LAMA1: variants seen among roughly 807,000 people sequenced by gnomAD.
LAMA1 encodes the protein laminin subunit alpha 1.
A neutral mutation model predicts 348.7 loss-of-function variants in LAMA1; 219 were observed. The ratio of observed to expected loss-of-function variants is 0.63; its 90% CI spans 0.56 to 0.70. LAMA1 has a LOEUF of 0.70. LAMA1 is among the 30% of genes least tolerant of loss of function. The probability of loss-of-function intolerance (pLI) is 0.00; values close to 1 mark genes in which losing one functional copy is unlikely to be tolerated. For synonymous variants in LAMA1, 1,487 were observed against 1,491.0 expected, an observed-to-expected ratio of 1.00 and a Z score of 0.06; for missense variants, 3,744 against 3,888.0, an observed-to-expected ratio of 0.96 and a Z score of 0.99.
intron 31 of LAMA1, 61 bp downstream of exon 31, chr18:6,999,850 C>A: frequency 1.4e-6 from 2 of 1,458,602 alleles, no homozygotes; most frequent in Admixed American, 3.3e-5. Context: ...TAAATATGCC[C>A]AATACCTTAT....
chr18:6,965,579 C>T (rs1219777923), intron 49 of LAMA1, 147 bp from the exon 50 acceptor site: 20 of 791,758 alleles, frequency 2.5e-5, no homozygotes, highest in Non-Finnish European at 4.2e-5. Flanking sequence ...GGCTACGAAA[C>T]CAAAAATGCC....
chr18:6,962,154 G>T (rs1392486121), intron 51 of LAMA1, 95 bp from the exon 52 acceptor site: 3 of 826,402 alleles, frequency 3.6e-6, no homozygotes, highest in South Asian at 2.7e-5. Flanking sequence ...AGGCACAGTG[G>T]CTTATGCCTG....
intron 47 of LAMA1, 48 bp downstream of exon 47, chr18:6,973,009 G>A (rs751432883): frequency 1.2e-6 from 2 of 1,608,218 alleles, no homozygotes; most frequent in South Asian, 1.1e-5. Flanking sequence ...TTATATATAG[G>A]TAAAATCAGT....
intron 1 of LAMA1, among the ~76,000 whole-genome samples, chr18:7,113,215 T>C (rs950999389): frequency 6.6e-6 from 1 of 152,176 alleles, no homozygotes; most frequent in African/African-American, 2.4e-5. Context: ...TGGGAAGATT[T>C]TCCAGGGTTC....
chr18:6,985,604 A>G lies in LAMA1; in HGVS notation c.5419T>C (p.Ser1807Pro). Residue 1807 changes from serine to proline, a missense_variant, in exon 38 of 63, where the codon TCA becomes CCA. Physicochemically the swap from Ser to Pro is moderately conservative, Grantham distance 74 (BLOSUM62 -1). Transcript: ENST00000389658. ...LHVQEEQNLT[S>P]ELIVQGRGLI... is the part of the protein sequence containing the mutation. The stretch of plus-strand genomic sequence containing the variant: ...CCTCTTCCTTGGACAATGAGCTCTG[A>G]GGTCAGATTTTGTTCTTCTTGAACA... 6 of 1,614,116 alleles carry G rather than the reference A, an allele frequency of 3.7e-6. No homozygotes were observed. The highest frequency in any genetic ancestry group is 5.1e-6 in the Non-Finnish European group (6 of 1,179,992).
Position 7,024,428 on chromosome 18 carries a change from A to C in LAMA1, c.2441T>G (p.Val814Gly). The C allele has an allele frequency of 6.2e-7, 1 of 1,614,060 alleles. No homozygotes were observed. Residue 814 changes from valine to glycine, a missense_variant, in exon 18 of 63, where the codon GTG becomes GGG. Val to Gly is a moderately radical substitution (Grantham distance 109). Around this residue, in one of 3 missense-constraint regions of LAMA1, gnomAD observed 1,529 missense variants for 1,689.4 expected, o/e 0.91. Transcript: ENST00000389658. ...PTCHLNDGDE[V>G]VCDWCAPGYS... ...GCCCGGGGCACACCAGTCACAGACC[A>C]CTTCATCTCCATCATTGAGGTGGCA... is the stretch of plus-strand genomic sequence containing the variant.
intron 48 of LAMA1, among the ~76,000 whole-genome samples, chr18:6,967,286 A>G (rs2057637550): frequency 6.6e-6 from 1 of 152,244 alleles, no homozygotes; most frequent in Non-Finnish European, 1.5e-5. Context: ...ATAACTTAAA[A>G]GAAATGCACT....
intron 21 of LAMA1, 22 bp downstream of exon 21, chr18:7,016,469 A>T: frequency 6.2e-7 from 1 of 1,614,064 alleles, no homozygotes; most frequent in South Asian, 1.1e-5. Context: ...ACAAAGTCTC[A>T]AACAAGGAAA....
In LAMA1 at chr18:6,975,951, C is replaced by T. The variant is rs761061272; in HGVS notation, c.6475G>A (p.Gly2159Ser). ...QEPDNLLFYLGSSTASDFLAV... is the reference protein window; with the variant it reads ...QEPDNLLFYLSSSTASDFLAV... ...CCATAACTTACAGCGGTGCTGCTAC[C>T]GAGGTAGAAGAGAAGATTATCGGGT... Residue 2159 changes from glycine to serine, a missense_variant, in exon 45 of 63, where the codon GGT becomes AGT. By Grantham distance (56) the Gly-to-Ser change is moderately conservative. This residue lies in a region of LAMA1 where 1,983 missense variants were observed against 1,934.3 expected (regional missense o/e 1.03). Transcript: ENST00000389658. The T allele has an allele frequency of 3.1e-5, 50 of 1,613,918 alleles. 1 individual carries two copies. The highest frequency in any genetic ancestry group is 1.7e-4 in the Admixed American group (10 of 59,982).
intron 3 of LAMA1, among the ~76,000 whole-genome samples, chr18:7,071,084 G>C (rs1323592668): frequency 6.6e-6 from 1 of 152,152 alleles, no homozygotes; most frequent in Non-Finnish European, 1.5e-5. Context: ...GGAATTGCAA[G>C]AGCTCTTGCC....
At chr18:7,093,213 A>G (rs551509630) in intron 1 of LAMA1, among the ~76,000 whole-genome samples, 17 of 152,240 alleles carry the variant, frequency 1.1e-4, no homozygotes, top group East Asian at 3.9e-4. Context: ...TCAGGATATC[A>G]AGACCATCCT....
intron 3 of LAMA1, among the ~76,000 whole-genome samples, chr18:7,077,828 A>C (rs1046544529): frequency 1.3e-5 from 2 of 152,036 alleles, no homozygotes; most frequent in African/African-American, 4.8e-5. Context: ...CACAAAGGCC[A>C]GGGTTAAAAA....
intron 7 of LAMA1, among the ~76,000 whole-genome samples, chr18:7,043,696 T>C (rs553979829): frequency 2.0e-5 from 3 of 152,180 alleles, no homozygotes; most frequent in Non-Finnish European, 4.4e-5. Context: ...CACTGCACCA[T>C]TGTTTGTGTG....
intron 3 of LAMA1, among the ~76,000 whole-genome samples, chr18:7,060,576 A>G (rs561165668): frequency 6.6e-6 from 1 of 152,312 alleles, no homozygotes; most frequent in African/African-American, 2.4e-5. Flanking sequence ...TGCTCCCTTC[A>G]GAACCATGCT....
intron 1 of LAMA1, among the ~76,000 whole-genome samples, chr18:7,109,166 C>A (rs1224563790): frequency 6.6e-6 from 1 of 152,178 alleles, no homozygotes; most frequent in Non-Finnish European, 1.5e-5. Flanking sequence ...GGACCACATA[C>A]CCAGAGAGGT....
intron 1 of LAMA1, among the ~76,000 whole-genome samples, chr18:7,088,629 T>TA (rs1568062978): frequency 2.6e-5 from 4 of 151,996 alleles, no homozygotes; most frequent in Non-Finnish European, 5.9e-5. Flanking sequence ...GCGATCCTCC[T>TA]ACCTCAGCCT....
chr18:7,086,795 T>C (rs886581526), intron 1 of LAMA1, among the ~76,000 whole-genome samples: 1 of 152,152 alleles, frequency 6.6e-6, no homozygotes, highest in Non-Finnish European at 1.5e-5. Flanking sequence ...CTCTGTGTCT[T>C]TGGGCAAGTC....
At chr18:7,079,494 A>T (rs2143781239) in intron 3 of LAMA1, 1 of 217,952 alleles carries the variant, frequency 4.6e-6, no homozygotes, top group Non-Finnish European at 9.2e-6. Flanking sequence ...CCTGGCCCAG[A>T]CAGACTACAT....
At position 7,008,399 on chromosome 18, in the gene LAMA1, A is replaced by C. The variant is rs961153775; in HGVS notation, c.4122+89T>G. ...GAGAAAAAAATGATATAGTAGATACACATAAGTTCTGTTCATCTCTGGGAG... is the reference window on the plus strand; with the variant it reads ...GAGAAAAAAATGATATAGTAGATACCCATAAGTTCTGTTCATCTCTGGGAG... On this transcript the variant is annotated intron_variant, in intron 28 of 62. Transcript: ENST00000389658. The C allele has an allele frequency of 9.7e-6, 14 of 1,450,772 alleles. No homozygotes were observed. In the African/African-American group the frequency reaches 1.8e-4, roughly 19 times the overall value. 89.9% of individuals were successfully genotyped at this position (1,450,772 alleles called of 1,614,324 possible).
Sources: gnomAD v4.1 joint callset for allele counts (sites outside exome capture counted in the v4.1 genomes callset) on GRCh38, gnomAD v4.1.1 for gene constraint, gnomAD v4.1.1 regional missense constraint, MANE v1.5 for transcripts, NCBI Gene and HGNC (gene_info 2026-07-23, HGNC 2026-07-21) for gene names.